Variants in STXBP5 observed in about 807,000 individuals in gnomAD.
The protein encoded by STXBP5 is syntaxin-binding protein 5.
Under a neutral mutation model 152.4 loss-of-function variants are expected in STXBP5, and 50 were observed. The ratio of observed to expected loss-of-function variants is 0.33; its 90% CI spans 0.26 to 0.42. STXBP5 has a LOEUF of 0.42. Ranked by LOEUF, STXBP5 falls within the 10% of genes least tolerant of loss-of-function variation. The pLI is 1.00. For missense variants in STXBP5, 1,167 were observed against 1,388.6 expected (o/e 0.84, Z 2.54); for synonymous variants, 492 against 494.7 (o/e 0.99, Z 0.07).
In STXBP5 at chr6:147,385,697, A is replaced by G. The variant is rs1786306291; in HGVS notation, c.*942A>G. 6.6e-6 allele frequency: 1 copy of G among 152,154 alleles called. No homozygotes were observed. Among genetic ancestry groups the G allele is most frequent in the Non-Finnish European group, 1.5e-5 (1 of 68,000 alleles). 9.4% of individuals were successfully genotyped at this position (152,154 alleles called of 1,614,324 possible). On this transcript the variant is annotated 3_prime_UTR_variant, in exon 28 of 28. Coordinates refer to ENST00000321680, the MANE Select transcript of STXBP5 (RefSeq NM_001127715.4). ...TGAATTTTTATAAAATGTTTAACCA[A>G]ATGTACCTTTGCATTCTTTAATTAA...
intron 7 of STXBP5, among the ~76,000 whole-genome samples, chr6:147,273,938 C>T (rs373760637): frequency 4.1e-5 from 6 of 146,134 alleles, no homozygotes; most frequent in Non-Finnish European, 6.0e-5. Flanking sequence ...GGCGACAGAG[C>T]GAGACTCTGG....
chr6:147,213,477 T>TGTGTGTGTGTGTGTGCGC lies in STXBP5; in HGVS notation c.248+7410_248+7411insTGTGTGTGTGTGTGCGCG. 2.1e-3 allele frequency among the ~76,000 whole-genome samples: 277 copies of TGTGTGTGTGTGTGTGCGC among 131,286 alleles called. 1 individual carries two copies. The highest frequency in any genetic ancestry group is 8.5e-3 in the African/African-American group (265 of 31,332). The allele number at this position is 131,286 out of a possible 152,430, so 86.1% of individuals were successfully genotyped here. On this transcript the variant is annotated intron_variant, in intron 2 of 27. Transcript: ENST00000321680. ...GTGTGTGTGTGTGTGTGTGTGTGTG[T>TGTGTGTGTGTGTGTGCGC]GCGCGCGCATATATATATTTTTTCT...
chr6:147,238,471 T>A (rs939629801), intron 3 of STXBP5, among the ~76,000 whole-genome samples: 19 of 152,182 alleles, frequency 1.2e-4, no homozygotes, highest in Non-Finnish European at 2.6e-4. Flanking sequence ...GGCAATTAAA[T>A]TTCAACATGA....
chr6:147,365,224 A>G (rs368159005), intron 25 of STXBP5, among the ~76,000 whole-genome samples: 21 of 152,334 alleles, frequency 1.4e-4, no homozygotes, highest in Middle Eastern at 3.4e-3. Context: ...ACAAAATTAC[A>G]TATCTGACAT....
At chr6:147,227,179 G>T (rs1202219844) in intron 2 of STXBP5, among the ~76,000 whole-genome samples, 1 of 152,144 alleles carries the variant, frequency 6.6e-6, no homozygotes, top group East Asian at 1.9e-4. Context: ...GTATAAGTCA[G>T]TTAGAGGGAT....
At chr6:147,323,243 A>G (rs1224740324) in intron 16 of STXBP5, among the ~76,000 whole-genome samples, 2 of 152,124 alleles carry the variant, frequency 1.3e-5, no homozygotes, top group Non-Finnish European at 2.9e-5. Flanking sequence ...TTCTTACTCC[A>G]TTAATGTGTT....
At chr6:147,377,443 A>G (rs1785862843) in intron 26 of STXBP5, among the ~76,000 whole-genome samples, 2 of 152,230 alleles carry the variant, frequency 1.3e-5, no homozygotes, top group South Asian at 2.1e-4. Context: ...ATAGTAAAAT[A>G]CAATTGAAAA....
chr6:147,330,536 A>G (rs1783515809), intron 18 of STXBP5, among the ~76,000 whole-genome samples: 1 of 152,218 alleles, frequency 6.6e-6, no homozygotes, highest in Non-Finnish European at 1.5e-5. Flanking sequence ...TTTACATTTC[A>G]GCTGATTTGA....
At chr6:147,307,935 C>T (rs1782176051) in intron 9 of STXBP5, among the ~76,000 whole-genome samples, 1 of 152,120 alleles carries the variant, frequency 6.6e-6, no homozygotes, top group Non-Finnish European at 1.5e-5. Flanking sequence ...TTTGATCTCC[C>T]TGGGTGCTTT....
intron 2 of STXBP5, among the ~76,000 whole-genome samples, chr6:147,207,635 C>A (rs995772707): frequency 5.3e-5 from 8 of 152,200 alleles, no homozygotes; most frequent in Non-Finnish European, 1.2e-4. Flanking sequence ...ACTAGTACAG[C>A]GTTGGATCTA....
intron 2 of STXBP5, among the ~76,000 whole-genome samples, chr6:147,223,106 A>C (rs1187507472): frequency 1.3e-5 from 2 of 152,240 alleles, no homozygotes; most frequent in African/African-American, 4.8e-5. Flanking sequence ...TCTTGTTAAG[A>C]TAAAATGATT....
chr6:147,346,567 G>A (rs921939884), intron 21 of STXBP5, among the ~76,000 whole-genome samples: 1 of 151,898 alleles, frequency 6.6e-6, no homozygotes, highest in African/African-American at 2.4e-5. Context: ...GGTAAACCCC[G>A]TCCCTCATAA....
At chr6:147,284,795 T>G (rs1780877852) in intron 8 of STXBP5, among the ~76,000 whole-genome samples, 1 of 152,208 alleles carries the variant, frequency 6.6e-6, no homozygotes, top group South Asian at 2.1e-4. Flanking sequence ...AACAGAACCA[T>G]GTACAGAGGC....
chr6:147,304,161 C>T (rs1582915797), intron 9 of STXBP5, among the ~76,000 whole-genome samples: 1 of 152,294 alleles, frequency 6.6e-6, no homozygotes, highest in East Asian at 1.9e-4. Context: ...GCAGTCCCTT[C>T]CATCACAGGC....
At chr6:147,367,083 A>G (rs1227559958) in intron 25 of STXBP5, among the ~76,000 whole-genome samples, 3 of 152,242 alleles carry the variant, frequency 2.0e-5, no homozygotes, top group Non-Finnish European at 2.9e-5. Flanking sequence ...ACTGCGTTCC[A>G]TATGTTCAAA....
At chr6:147,289,499 G>A (rs1463603452) in intron 8 of STXBP5, among the ~76,000 whole-genome samples, 1 of 152,008 alleles carries the variant, frequency 6.6e-6, no homozygotes, top group African/African-American at 2.4e-5. Context: ...GTGTATTTCT[G>A]TACAATTTTT....
intron 15 of STXBP5, 76 bp downstream of exon 15, chr6:147,315,811 CT>C: frequency 7.4e-7 from 1 of 1,360,100 alleles, no homozygotes; most frequent in Non-Finnish European, 1.0e-6. Flanking sequence ...ATTTGGAAGA[CT>C]TTTTGCAGTC....
chr6:147,372,026 A>G (rs966823471), intron 25 of STXBP5, among the ~76,000 whole-genome samples: 2 of 152,204 alleles, frequency 1.3e-5, no homozygotes, highest in African/African-American at 4.8e-5. Flanking sequence ...TCAATATAAT[A>G]ATAGACATCA....
chr6:147,214,417 G>C (rs1463143986), intron 2 of STXBP5, among the ~76,000 whole-genome samples: 1 of 152,162 alleles, frequency 6.6e-6, no homozygotes, highest in Non-Finnish European at 1.5e-5. Flanking sequence ...AAGGTAAGCT[G>C]AGGTGAAGGA....
Sources: gnomAD v4.1 joint callset for allele counts (sites outside exome capture counted in the v4.1 genomes callset) on GRCh38, gnomAD v4.1.1 for gene constraint, MANE v1.5 for transcripts, NCBI Gene and HGNC (gene_info 2026-07-23, HGNC 2026-07-21) for gene names.